UBE4B: variants seen among roughly 807,000 people sequenced by gnomAD.
UBE4B encodes ubiquitin conjugation factor E4 B.
A neutral mutation model predicts 148.1 loss-of-function variants in UBE4B; 27 were observed. That is an observed-to-expected ratio of 0.18 (90% CI 0.13 to 0.25). The LOEUF (loss-of-function observed/expected upper bound fraction) is 0.25, where lower values mean the gene tolerates loss of function less well. UBE4B is among the 10% of genes least tolerant of loss of function. The probability of loss-of-function intolerance (pLI) is 1.00; values close to 1 mark genes in which losing one functional copy is unlikely to be tolerated. For missense variants in UBE4B, 1,170 were observed against 1,662.4 expected (o/e 0.70, Z 5.15); for synonymous variants, 596 against 619.3 (o/e 0.96, Z 0.56).
At chr1:10,155,248 C>G (rs142863080) in intron 21 of UBE4B, among the ~76,000 whole-genome samples, 1 of 152,132 alleles carries the variant, frequency 6.6e-6, no homozygotes, top group Non-Finnish European at 1.5e-5. Context: ...CCATGTGTGC[C>G]CTCTGGCCTG....
At chr1:10,040,570 C>T (rs1317006876) in intron 1 of UBE4B, among the ~76,000 whole-genome samples, 2 of 151,278 alleles carry the variant, frequency 1.3e-5, no homozygotes, top group Non-Finnish European at 2.9e-5. Context: ...CACATGTAGA[C>T]CCCCACTCTG....
chr1:10,068,488 T>TA (rs939274751), intron 1 of UBE4B, among the ~76,000 whole-genome samples: 1 of 151,886 alleles, frequency 6.6e-6, no homozygotes, highest in African/African-American at 2.4e-5. Context: ...TAGCTGGGAT[T>TA]ATGGGCGCGT....
At position 10,161,706 on chromosome 1, in the gene UBE4B, C is replaced by T. The variant is rs901529028; in HGVS notation, c.3198+420C>T. Among the ~76,000 whole-genome samples, 7 of 152,082 alleles carry T rather than the reference C, an allele frequency of 4.6e-5. No homozygotes were observed. The highest frequency in any genetic ancestry group is 4.1e-4 in the South Asian group (2 of 4,832). On this transcript the variant is annotated intron_variant, in intron 23 of 27. Transcript: ENST00000343090. This position sits in a 1 kb window ranked among gnomAD's most constrained non-coding sequence, Gnocchi z 4.1. ...TCAGGATCCTGGCGGGGTGTTTTTT[C>T]CCTTTCAGTTGATCTTGGGTTTTAT... is the stretch of plus-strand genomic sequence containing the variant.
intron 2 of UBE4B, among the ~76,000 whole-genome samples, chr1:10,077,202 C>T (rs1015751883): frequency 6.6e-6 from 1 of 152,180 alleles, no homozygotes; most frequent in Non-Finnish European, 1.5e-5. Flanking sequence ...GGCGATGCCT[C>T]CCAATAAGGG....
chr1:10,118,260 T>C (rs1298685021), intron 8 of UBE4B, among the ~76,000 whole-genome samples: 2 of 152,176 alleles, frequency 1.3e-5, no homozygotes, highest in African/African-American at 2.4e-5. Flanking sequence ...AGTTTCATAT[T>C]TGTAAAGGGC....
At chr1:10,156,041 AAAAG>A (rs1428301862) in intron 21 of UBE4B, among the ~76,000 whole-genome samples, 23 of 151,664 alleles carry the variant, frequency 1.5e-4, no homozygotes, top group African/African-American at 3.6e-4. Context: ...AAAAAAAAAA[AAAAG>A]AAAGAAGGCA....
At chr1:10,104,356 A>G (rs1645072306) in intron 5 of UBE4B, among the ~76,000 whole-genome samples, 1 of 152,182 alleles carries the variant, frequency 6.6e-6, no homozygotes. Flanking sequence ...CAGAAGAGGT[A>G]TGGGAGGTGT....
chr1:10,086,470 AGGTAT>A (rs768501522), intron 2 of UBE4B, among the ~76,000 whole-genome samples: 1 of 152,100 alleles, frequency 6.6e-6, no homozygotes, highest in Non-Finnish European at 1.5e-5. Flanking sequence ...GAGATAAATG[AGGTAT>A]GGGGGGACTC....
At chr1:10,143,557 C>A (rs1447068310) in intron 17 of UBE4B, among the ~76,000 whole-genome samples, 1 of 152,180 alleles carries the variant, frequency 6.6e-6, no homozygotes, top group East Asian at 1.9e-4. Context: ...ATACTCTTCC[C>A]ATCTCAAATC....
intron 7 of UBE4B, among the ~76,000 whole-genome samples, chr1:10,109,302 G>C (rs1424428643): frequency 6.6e-6 from 1 of 152,162 alleles, no homozygotes. Flanking sequence ...ACCGCACCGT[G>C]CTGCCACCCA....
intron 1 of UBE4B, among the ~76,000 whole-genome samples, chr1:10,061,749 G>A (rs1291132492): frequency 6.6e-6 from 1 of 152,092 alleles, no homozygotes; most frequent in Non-Finnish European, 1.5e-5. Context: ...CAGCAAAGCT[G>A]ATGCTTGGAT....
In UBE4B at chr1:10,174,702, CAAA is replaced by C. The variant is rs1024868484; in HGVS notation, c.3525+3391_3525+3393del. ...GGGCAACAAGAGCGAAACTCCGTCT[CAAA>C]AAAAAAAAAAAAAAAAAGTGTTTTT... On this transcript the variant is annotated intron_variant, in intron 25 of 27. Transcript: ENST00000343090. Among the ~76,000 whole-genome samples the C allele has an allele frequency of 5.1e-3, 411 of 80,146 alleles. 5 individuals are homozygous for C. The highest frequency in any genetic ancestry group is 0.013 in the African/African-American group (356 of 27,814). The allele number at this position is 80,146 out of a possible 152,430, so 52.6% of individuals were successfully genotyped here.
intron 5 of UBE4B, among the ~76,000 whole-genome samples, chr1:10,105,176 A>G (rs578122360): frequency 4.6e-5 from 7 of 152,346 alleles, no homozygotes; most frequent in African/African-American, 1.7e-4. Context: ...ATTAATATAC[A>G]TCAGCGGTAA....
chr1:10,090,085 T>C (rs1418341094), intron 2 of UBE4B, among the ~76,000 whole-genome samples: 1 of 151,940 alleles, frequency 6.6e-6, no homozygotes, highest in African/African-American at 2.4e-5. Flanking sequence ...GTAAAGGAAT[T>C]ACAGCATTAT....
chr1:10,136,936 T>A, intron 16 of UBE4B, 131 bp from the exon 17 acceptor site: 3 of 1,047,440 alleles, frequency 2.9e-6, no homozygotes, highest in Non-Finnish European at 4.0e-6. Context: ...AATAAATAAA[T>A]AAATAAACAA....
intron 7 of UBE4B, among the ~76,000 whole-genome samples, chr1:10,111,824 G>A (rs951159249): frequency 6.6e-6 from 1 of 152,104 alleles, no homozygotes; most frequent in Non-Finnish European, 1.5e-5. Flanking sequence ...AGGCATGATG[G>A]CATGTGCCTA....
chr1:10,073,181 AT>A (rs1644517567), intron 2 of UBE4B: 1 of 152,254 alleles, frequency 6.6e-6, no homozygotes. Flanking sequence ...TGGGTTCAGG[AT>A]TCCAAATGTG....
chr1:10,144,840 A>G (rs1645842919), intron 17 of UBE4B, 100 bp from the exon 18 acceptor site: 2 of 778,394 alleles, frequency 2.6e-6, no homozygotes, highest in African/African-American at 3.5e-5. Flanking sequence ...ACAATGCGAA[A>G]ACAAACAACT....
intron 1 of UBE4B, among the ~76,000 whole-genome samples, chr1:10,045,700 A>G (rs1054725453): frequency 6.6e-6 from 1 of 152,178 alleles, no homozygotes; most frequent in African/African-American, 2.4e-5. Flanking sequence ...AAAGGCGGCC[A>G]TCGAAGGAGT....
Sources: allele counts gnomAD v4.1 joint callset (sites outside exome capture counted in the v4.1 genomes callset), GRCh38; gene constraint gnomAD v4.1.1; non-coding constraint Gnocchi (gnomAD v3.1); transcripts MANE v1.5; gene names NCBI Gene and HGNC (gene_info 2026-07-23, HGNC 2026-07-21).